The following RHOBTB2 variants were observed in gnomAD, a reference collection of about 807,000 sequenced individuals.
The protein encoded by RHOBTB2 is Rho related BTB domain containing 2, also known as rho-related BTB domain-containing protein 2.
In RHOBTB2, 39 loss-of-function variants were observed where a neutral mutation model predicts 66.5. The observed-to-expected ratio is 0.59, with a 90% CI of 0.45 to 0.77. The LOEUF is 0.77. RHOBTB2 is among the 30% of genes least tolerant of loss of function. The pLI, the probability that RHOBTB2 is intolerant of heterozygous loss-of-function variation, is 0.00. For missense variants in RHOBTB2, 755 were observed against 999.1 expected (o/e 0.76, Z 3.29); for synonymous variants, 390 against 395.0 (o/e 0.99, Z 0.15).
In RHOBTB2 at chr8:23,017,813, C is replaced by T. The variant is rs1811340879; in HGVS notation, c.*344C>T. On this transcript the variant is annotated 3_prime_UTR_variant, in exon 10 of 10. Coordinates refer to ENST00000251822, the MANE Select transcript of RHOBTB2 (RefSeq NM_015178.3). This position sits in a 1 kb window ranked among gnomAD's most constrained non-coding sequence, Gnocchi z 5.3. ...AGGGCTTCTCTGTGTGTCTTGGTTG[C>T]TGCTCTGGCCAGGGAGGCAGCCCCA... is the stretch of plus-strand genomic sequence containing the variant. 2 of 278,112 alleles carry T rather than the reference C, an allele frequency of 7.2e-6. No homozygotes were observed. The highest frequency in any genetic ancestry group is 1.4e-5 in the Non-Finnish European group (2 of 142,750). 17.2% of individuals were successfully genotyped at this position (278,112 alleles called of 1,614,324 possible).
In RHOBTB2 at chr8:23,017,569, G is replaced by C; in HGVS notation, c.*100G>C. 1 of 1,500,848 alleles carries C rather than the reference G, an allele frequency of 6.7e-7. No individual in the cohort carries two copies. The highest frequency in any genetic ancestry group is 2.1e-5 in the Admixed American group (1 of 48,576). The allele number at this position is 1,500,848 out of a possible 1,614,324, so 93.0% of individuals were successfully genotyped here. On this transcript the variant is annotated 3_prime_UTR_variant, in exon 10 of 10. Transcript: ENST00000251822. The surrounding 1 kb of genome is among the most constrained non-coding windows in gnomAD (Gnocchi z 5.3). ...CCATCCACCTTACAGGGACCAGGGGGCCCACGTAACCAGGACCCAGAGGGT... is the reference window on the plus strand; with the variant it reads ...CCATCCACCTTACAGGGACCAGGGGCCCCACGTAACCAGGACCCAGAGGGT...
the RHOBTB2 span, among the ~76,000 whole-genome samples, chr8:22,967,488 G>A: frequency 1.3e-5 from 2 of 150,574 alleles, no homozygotes; most frequent in African/African-American, 2.4e-5. Context: ...GCAGGCGCCT[G>A]TAATCCCAGC....
chr8:22,999,963 G>A lies in RHOBTB2; in HGVS notation c.-153G>A, dbSNP rs2128801278. On this transcript the variant is annotated 5_prime_UTR_variant, in exon 1 of 10. Transcript: ENST00000251822. ...GTGGCCGCGAGCTGGCCGGGAGGCT[G>A]GAGCCCAGCAGCAGCGCGGCGGCGC... is the stretch of plus-strand genomic sequence containing the variant. 6 of 985,538 alleles carry A rather than the reference G, an allele frequency of 6.1e-6. No individual in the cohort carries two copies. The highest frequency in any genetic ancestry group is 7.2e-6 in the Non-Finnish European group (6 of 830,008). 61.0% of individuals were successfully genotyped at this position (985,538 alleles called of 1,614,324 possible). A position where few individuals can be genotyped will look rare whatever the true frequency, so the allele number is the denominator to read the frequency against.
the RHOBTB2 span, among the ~76,000 whole-genome samples, chr8:22,973,597 T>C: frequency 6.6e-6 from 1 of 152,178 alleles, no homozygotes; most frequent in Non-Finnish European, 1.5e-5. Flanking sequence ...CACTCCCAGC[T>C]GTATCAGCAG....
In RHOBTB2 at chr8:22,999,618, T is replaced by C; in HGVS notation, c.-498T>C. On this transcript the variant is annotated 5_prime_UTR_variant, in exon 1 of 10. Coordinates refer to ENST00000251822, the MANE Select transcript of RHOBTB2 (RefSeq NM_015178.3). ...CTTTTTTTACCCTCCCGTTTTTTTC[T>C]TTTCTTTTTTTTTTCCCTATCCTTT... The C allele has an allele frequency of 1.6e-6, 2 of 1,239,384 alleles. No individual in the cohort carries two copies. Among genetic ancestry groups the C allele is most frequent in the East Asian group, 1.6e-4 (2 of 12,746 alleles). The allele number at this position is 1,239,384 out of a possible 1,614,324, so 76.8% of individuals were successfully genotyped here.
chr8:22,968,017 A>C, the RHOBTB2 span, among the ~76,000 whole-genome samples: 2 of 151,942 alleles, frequency 1.3e-5, no homozygotes, highest in South Asian at 4.2e-4. Flanking sequence ...AACAGCCAGC[A>C]AGGTGGTGCG....
At chr8:23,000,247 G>A in intron 1 of RHOBTB2, 142 bp downstream of exon 1, 1 of 431,532 alleles carries the variant, frequency 2.3e-6, no homozygotes, top group Non-Finnish European at 3.1e-6. Context: ...CGGCTGCTGG[G>A]TACAGCGGGG....
At chr8:23,009,670 A>C (rs1038760432) in intron 6 of RHOBTB2, among the ~76,000 whole-genome samples, 10 of 152,232 alleles carry the variant, frequency 6.6e-5, no homozygotes, top group African/African-American at 2.4e-4. Flanking sequence ...GCTGGGCTGC[A>C]TCGCATCCCG....
intron 7 of RHOBTB2, among the ~76,000 whole-genome samples, chr8:23,011,259 C>A (rs1490727102): frequency 6.6e-6 from 1 of 152,114 alleles, no homozygotes; most frequent in Non-Finnish European, 1.5e-5. Flanking sequence ...GTCTCAAAAA[C>A]AAACAAACAA....
At chr8:22,957,017 CCA>C in the RHOBTB2 span, among the ~76,000 whole-genome samples, 1 of 152,182 alleles carries the variant, frequency 6.6e-6, no homozygotes, top group East Asian at 1.9e-4. Context: ...AATCCTAGAT[CCA>C]CACTGTAGTC....
chr8:23,016,911 C>T (rs1392366783), intron 9 of RHOBTB2, among the ~76,000 whole-genome samples: 1 of 152,208 alleles, frequency 6.6e-6, no homozygotes, highest in African/African-American at 2.4e-5. Context: ...CTTCCACTCT[C>T]ATCCCCTAAC....
the RHOBTB2 span, among the ~76,000 whole-genome samples, chr8:22,966,513 G>C: frequency 6.6e-6 from 1 of 152,048 alleles, no homozygotes; most frequent in African/African-American, 2.4e-5. Context: ...GGCCGGGTGT[G>C]GTGGCTCATG....
In RHOBTB2 at chr8:23,004,491, G is replaced by T; in HGVS notation, c.57G>T (p.Val19=). The change falls in exon 2 of 10, where the codon GTG becomes GTT. Residue 19 remains valine, a synonymous_variant. Transcript: ENST00000251822. The surrounding 1 kb of genome is among the most constrained non-coding windows in gnomAD (Gnocchi z 6.4). ...ACGTAGAGACCATCAAGTGCGTTGT[G>T]GTGGGGGACAACGCCGTGGGTAAGA... The part of the protein sequence containing the change: ...RPNVETIKCV[V]VGDNAVGKTR... 1 of 1,614,134 alleles carries T rather than the reference G, an allele frequency of 6.2e-7. No homozygotes were observed. Among genetic ancestry groups the T allele is most frequent in the Non-Finnish European group, 8.5e-7 (1 of 1,179,936 alleles).
chr8:22,998,133 T>G (rs1375774265), upstream of RHOBTB2, among the ~76,000 whole-genome samples: 2 of 152,170 alleles, frequency 1.3e-5, no homozygotes, highest in African/African-American at 4.8e-5. Context: ...ACCAGGTAGG[T>G]AGGCACGTTG....
At chr8:23,002,945 C>T (rs1810829716) in intron 1 of RHOBTB2, among the ~76,000 whole-genome samples, 2 of 152,244 alleles carry the variant, frequency 1.3e-5, no homozygotes, top group Non-Finnish European at 2.9e-5. Flanking sequence ...TTTCGGTCTG[C>T]ATCCCTGCAT....
At chr8:23,014,626 G>T (rs1811238066) in intron 7 of RHOBTB2, 64 bp from the exon 8 acceptor site, 3 of 1,426,574 alleles carry the variant, frequency 2.1e-6, no homozygotes, top group Admixed American at 3.5e-5. Context: ...TGGGGGATGT[G>T]GTGGGGCAGG....
chr8:22,959,687 C>A, the RHOBTB2 span, among the ~76,000 whole-genome samples: 2 of 152,250 alleles, frequency 1.3e-5, no homozygotes, highest in East Asian at 3.9e-4. Flanking sequence ...GTTTTAGGCA[C>A]TTTGACCACC....
In RHOBTB2 at chr8:23,010,585, A is replaced by G. The variant is rs1203233819; in HGVS notation, c.1668A>G (p.Glu556=). 2 of 1,613,956 alleles carry G rather than the reference A, an allele frequency of 1.2e-6. No individual in the cohort carries two copies. Among genetic ancestry groups the G allele is most frequent in the Non-Finnish European group, 8.5e-7 (1 of 1,179,990 alleles). The change falls in exon 7 of 10, where the codon GAA becomes GAG. Residue 556 remains glutamate, a synonymous_variant. Coordinates refer to ENST00000251822, the MANE Select transcript of RHOBTB2 (RefSeq NM_015178.3). ...AGAGCTGCATGCGGGCCGTGCTGGA[A>G]TACCTCTACACCGGCATGTTCACCT... ...TSKSCMRAVL[E]YLYTGMFTSS... is the part of the protein sequence containing the mutation.
upstream of RHOBTB2, chr8:22,984,981 T>C (rs1348253547): frequency 1.3e-5 from 2 of 151,590 alleles, no homozygotes; most frequent in East Asian, 1.9e-4. Flanking sequence ...AAATCTGTTA[T>C]AGTCATTGGT....
Sources: allele counts gnomAD v4.1 joint callset (sites outside exome capture counted in the v4.1 genomes callset), GRCh38; gene constraint gnomAD v4.1.1; non-coding constraint Gnocchi (gnomAD v3.1); transcripts MANE v1.5; gene names NCBI Gene and HGNC (gene_info 2026-07-23, HGNC 2026-07-21).